LMBR1L: variants seen among roughly 807,000 people sequenced by gnomAD.
The protein encoded by LMBR1L is protein LMBR1L.
Under a neutral mutation model 67.3 loss-of-function variants are expected in LMBR1L, and 47 were observed. The observed-to-expected ratio is 0.70, with a 90% CI of 0.55 to 0.89. LMBR1L has a LOEUF of 0.89. Ranked by LOEUF, LMBR1L falls within the 40% of genes least tolerant of loss-of-function variation. The pLI, the probability that LMBR1L is intolerant of heterozygous loss-of-function variation, is 0.00. For synonymous variants in LMBR1L, 247 were observed against 250.3 expected, an observed-to-expected ratio of 0.99 and a Z score of 0.13; for missense variants, 533 against 599.2, an observed-to-expected ratio of 0.89 and a Z score of 1.15.
intron 3 of LMBR1L, chr12:49,105,216 G>A (rs1414795821): frequency 1.0e-5 from 3 of 294,836 alleles, no homozygotes; most frequent in Non-Finnish European, 1.9e-5. Context: ...GCCAAAACTA[G>A]GGGACCTGGC....
intron 1 of LMBR1L, chr12:49,109,998 G>A (rs1032335893): frequency 1.8e-5 from 8 of 457,094 alleles, no homozygotes; most frequent in Non-Finnish European, 2.6e-5. Context: ...TTCCAAAGCA[G>A]ATGACCCACC....
At chr12:49,102,738 C>T (rs1040055107) in intron 8 of LMBR1L, 149 bp downstream of exon 8, 1 of 862,062 alleles carries the variant, frequency 1.2e-6, no homozygotes, top group Non-Finnish European at 1.9e-6. Context: ...ACCAGCTCTG[C>T]ATGATAGGGG....
intron 2 of LMBR1L, chr12:49,106,615 G>C (rs10783304): frequency 3.0e-6 from 4 of 1,333,618 alleles, no homozygotes; most frequent in South Asian, 1.2e-5. Context: ...ATGACACAGA[G>C]CCTGTGCCCG....
intron 13 of LMBR1L, 112 bp from the exon 14 acceptor site, chr12:49,100,758 C>CAAA: frequency 1.3e-6 from 1 of 791,866 alleles, no homozygotes; most frequent in Non-Finnish European, 2.0e-6. Context: ...GACAGGGTCT[C>CAAA]ACTTTGTCAC....
chr12:49,107,107 G>T, intron 1 of LMBR1L, 62 bp from the exon 2 acceptor site: 1 of 1,097,576 alleles, frequency 9.1e-7, no homozygotes, highest in Non-Finnish European at 1.4e-6. Context: ...ACAGCCCCAA[G>T]GGCCTCTCTG....
chr12:49,099,278 A>C (rs1025819666), intron 15 of LMBR1L, among the ~76,000 whole-genome samples: 2 of 151,982 alleles, frequency 1.3e-5, no homozygotes, highest in Non-Finnish European at 2.9e-5. Context: ...CTCATGCCTC[A>C]GCTGAGATTA....
intron 15 of LMBR1L, 110 bp downstream of exon 15, chr12:49,100,278 T>C: frequency 3.5e-6 from 3 of 860,408 alleles, no homozygotes; most frequent in East Asian, 4.8e-5. Context: ...TAATACCTAC[T>C]CATGGGTTTG....
At chr12:49,106,007 G>C in intron 2 of LMBR1L, 50 bp from the exon 3 acceptor site, 2 of 1,521,822 alleles carry the variant, frequency 1.3e-6, no homozygotes, top group Non-Finnish European at 9.1e-7. Context: ...TCAGGGGGCA[G>C]CTCTGAGGCC....
intron 8 of LMBR1L, 135 bp from the exon 9 acceptor site, chr12:49,102,675 A>AGCTTT: frequency 2.1e-6 from 2 of 962,842 alleles, no homozygotes; most frequent in Non-Finnish European, 3.2e-6. Flanking sequence ...TGTGGCCCGC[A>AGCTTT]GCTTTGCTCA....
rs1376354830 is a variant in LMBR1L, at chr12:49,104,865, G to A, written c.212C>T (p.Thr71Ile). ...GACAGCACCCAGGGCAATTGCCAGG[G>A]TAAAGGTGCACAGCTCGAGCCTGGG... The part of the protein sequence containing the change: ...NKIALELCTF[T>I]LAIALGAVLL... Residue 71 changes from threonine to isoleucine, a missense_variant, in exon 4 of 17, where the codon ACC becomes ATC. Transcript: ENST00000267102. 1 of 1,612,962 alleles carries A rather than the reference G, an allele frequency of 6.2e-7. No individual in the cohort carries two copies. Among genetic ancestry groups the A allele is most frequent in the Non-Finnish European group, 8.5e-7 (1 of 1,179,578 alleles).
intron 1 of LMBR1L, chr12:49,109,851 C>A: frequency 2.4e-6 from 1 of 412,636 alleles, no homozygotes; most frequent in South Asian, 1.7e-5. Context: ...CTGGGGAAAC[C>A]CCGGAATGGC....
At chr12:49,100,264 C>T (rs1471678887) in intron 15 of LMBR1L, 124 bp downstream of exon 15, 14 of 787,832 alleles carry the variant, frequency 1.8e-5, no homozygotes, top group African/African-American at 1.0e-4. Context: ...CTGTATAATG[C>T]GGATAATACC....
At position 49,104,812 on chromosome 12, in the gene LMBR1L, T is replaced by G; in HGVS notation, c.265A>C (p.Asn89His). The G allele has an allele frequency of 6.2e-7, 1 of 1,613,748 alleles. No homozygotes were observed. The highest frequency in any genetic ancestry group is 8.5e-7 in the Non-Finnish European group (1 of 1,179,916). Residue 89 changes from asparagine to histidine, a missense_variant, in exon 4 of 17, where the codon AAT becomes CAT. By Grantham distance (68) the Asn-to-His change is moderately conservative. Transcript: ENST00000267102. The stretch of plus-strand genomic sequence containing the variant: ...CGAGGCAGGGAGAGCAGCACCTCAT[T>G]GCTGATGATGGAGAAGGGCAGGAGC... The part of the protein sequence containing the change: ...VLLLPFSIIS[N>H]EVLLSLPRNY...
rs767874929 is a variant in LMBR1L at position 49,110,482 on chromosome 12, A to G, written c.72+2T>C. ...TTCTCCTCGCCGGGGCCCCGCACTC[A>G]CAATACACTCGCGGATCCTCTCGTG... is the stretch of plus-strand genomic sequence containing the variant. On this transcript the variant is annotated splice_donor_variant, in intron 1 of 16. Coordinates refer to ENST00000267102, the MANE Select transcript of LMBR1L (RefSeq NM_018113.4). LOFTEE classifies it high-confidence loss of function. 6.2e-7 allele frequency: 1 copy of G among 1,613,568 alleles called. No individual in the cohort carries two copies. The highest frequency in any genetic ancestry group is 8.5e-7 in the Non-Finnish European group (1 of 1,179,810).
Position 49,110,633 on chromosome 12 carries a change from G to T in LMBR1L, c.-78C>A. ...GCGGGGAGGAAGCCGCCGCCGCCAA[G>T]CACCCAGACCCAGCCTAGGGGCCTT... On this transcript the variant is annotated 5_prime_UTR_variant, in exon 1 of 17. Transcript: ENST00000267102. 1 of 1,318,062 alleles carries T rather than the reference G, an allele frequency of 7.6e-7. No individual in the cohort carries two copies. Among genetic ancestry groups the T allele is most frequent in the Non-Finnish European group, 1.1e-6 (1 of 913,286 alleles). 81.6% of individuals were successfully genotyped at this position (1,318,062 alleles called of 1,614,324 possible). A position where few individuals can be genotyped will look rare whatever the true frequency, so the allele number is the denominator to read the frequency against.
At chr12:49,102,425 C>G (rs1940320479) in intron 9 of LMBR1L, 43 bp downstream of exon 9, 2 of 1,613,730 alleles carry the variant, frequency 1.2e-6, no homozygotes, top group East Asian at 4.5e-5. Context: ...AGTTTCTGCC[C>G]AGGCCAAGCC....
At position 49,102,458 on chromosome 12, in the gene LMBR1L, T is replaced by G. The variant is rs1429579500; in HGVS notation, c.769+10A>C. On this transcript the variant is annotated intron_variant, in intron 9 of 16. Coordinates refer to ENST00000267102, the MANE Select transcript of LMBR1L (RefSeq NM_018113.4). ...GCCTACCACCCCAGCAGGGAAGAAC[T>G]GCAACTTACTACAGATCCTGCGGGT... 3 of 1,614,166 alleles carry G rather than the reference T, an allele frequency of 1.9e-6. No homozygotes were observed. Among genetic ancestry groups the G allele is most frequent in the Non-Finnish European group, 2.5e-6 (3 of 1,179,986 alleles).
intron 1 of LMBR1L, among the ~76,000 whole-genome samples, chr12:49,108,009 A>G (rs547666849): frequency 6.6e-6 from 1 of 152,302 alleles, no homozygotes; most frequent in African/African-American, 2.4e-5. Flanking sequence ...TCACGCCTGT[A>G]ATCTCAGCAC....
intron 4 of LMBR1L, 70 bp from the exon 5 acceptor site, chr12:49,104,621 G>T: frequency 6.4e-7 from 1 of 1,559,654 alleles, no homozygotes; most frequent in Non-Finnish European, 8.8e-7. Context: ...CTGACCATTT[G>T]CAGGAGAAGC....
Sources: gnomAD v4.1 joint callset for allele counts (sites outside exome capture counted in the v4.1 genomes callset) on GRCh38, gnomAD v4.1.1 for gene constraint, MANE v1.5 for transcripts, NCBI Gene and HGNC (gene_info 2026-07-23, HGNC 2026-07-21) for gene names.